Variants in WWOX observed in about 807,000 individuals in gnomAD.
WWOX encodes WW domain-containing oxidoreductase.
In WWOX, 69 loss-of-function variants were observed where a neutral mutation model predicts 46.2. The ratio of observed to expected loss-of-function variants is 1.49; its 90% confidence interval spans 1.23 to 1.82. WWOX has a LOEUF of 1.82. Ranked by LOEUF, WWOX falls within the 40% of genes most tolerant of loss-of-function variation. The probability of loss-of-function intolerance (pLI) is 0.00; values close to 1 mark genes in which losing one functional copy is unlikely to be tolerated. For synonymous variants in WWOX, 359 were observed against 202.6 expected (o/e 1.77, Z -6.56); for missense variants, 919 against 542.6 (o/e 1.69, Z -6.89).
chr16:78,935,826 C>T (rs2045725352), intron 8 of WWOX, among the ~76,000 whole-genome samples: 1 of 152,014 alleles, frequency 6.6e-6, no homozygotes, highest in African/African-American at 2.4e-5. Flanking sequence ...GTGGGAGGAT[C>T]ACTTCAGCTC....
At chr16:78,917,764 A>T (rs1162952951) in intron 8 of WWOX, among the ~76,000 whole-genome samples, 4 of 152,116 alleles carry the variant, frequency 2.6e-5, no homozygotes, top group Non-Finnish European at 5.9e-5. Context: ...CATAAGGTCT[A>T]TTAATAAATA....
intron 8 of WWOX, among the ~76,000 whole-genome samples, chr16:78,835,937 A>G (rs545116720): frequency 6.6e-6 from 1 of 152,336 alleles, no homozygotes; most frequent in East Asian, 1.9e-4. Flanking sequence ...GAGACTAACA[A>G]CAAGGAAATA....
At chr16:78,642,768 CAG>C (rs999115991) in intron 8 of WWOX, among the ~76,000 whole-genome samples, 1 of 151,966 alleles carries the variant, frequency 6.6e-6, no homozygotes, top group African/African-American at 2.4e-5. Flanking sequence ...GTGGGGAACT[CAG>C]GGCGTGAGGC....
intron 5 of WWOX, among the ~76,000 whole-genome samples, chr16:78,371,831 T>G (rs2081697229): frequency 6.6e-6 from 1 of 152,254 alleles, no homozygotes; most frequent in South Asian, 2.1e-4. Context: ...ATTTTTATAT[T>G]TCTCTCTTTT....
intron 5 of WWOX, among the ~76,000 whole-genome samples, chr16:78,308,854 C>G (rs980465708): frequency 2.0e-5 from 3 of 152,170 alleles, no homozygotes; most frequent in Admixed American, 1.3e-4. Context: ...TAACCAATTG[C>G]CAATCAGAAG....
intron 8 of WWOX, among the ~76,000 whole-genome samples, chr16:78,548,294 A>C (rs1053331161): frequency 2.6e-5 from 4 of 151,978 alleles, no homozygotes; most frequent in African/African-American, 9.7e-5. Flanking sequence ...CTTGGATCCC[A>C]TTAATTGCAT....
At chr16:78,335,020 G>C (rs1231795637) in intron 5 of WWOX, among the ~76,000 whole-genome samples, 1 of 152,036 alleles carries the variant, frequency 6.6e-6, no homozygotes, top group Non-Finnish European at 1.5e-5. Context: ...CCCTGGACCT[G>C]CAGTGTCAGC....
At chr16:79,034,806 A>T (rs928600476) in intron 8 of WWOX, among the ~76,000 whole-genome samples, 3 of 152,210 alleles carry the variant, frequency 2.0e-5, no homozygotes, top group Non-Finnish European at 2.9e-5. Context: ...TATTCATTGT[A>T]TCACGAAACA....
chr16:78,850,688 G>A (rs997196749), intron 8 of WWOX, among the ~76,000 whole-genome samples: 1 of 152,136 alleles, frequency 6.6e-6, no homozygotes, highest in African/African-American at 2.4e-5. Flanking sequence ...ACCTACTTGT[G>A]TCTCTGTGCC....
chr16:78,545,508 A>G (rs1021763531), intron 8 of WWOX, among the ~76,000 whole-genome samples: 3 of 152,184 alleles, frequency 2.0e-5, no homozygotes, highest in African/African-American at 7.2e-5. Flanking sequence ...GCCTGCAACC[A>G]TGTCTGGCTT....
At chr16:78,289,039 C>G (rs895484359) in intron 5 of WWOX, among the ~76,000 whole-genome samples, 2 of 152,112 alleles carry the variant, frequency 1.3e-5, no homozygotes, top group African/African-American at 4.8e-5. Context: ...ACAAGGCGTG[C>G]CAACAGCTGG....
intron 8 of WWOX, among the ~76,000 whole-genome samples, chr16:78,998,127 T>A (rs954907587): frequency 6.6e-6 from 1 of 152,184 alleles, no homozygotes; most frequent in Admixed American, 6.5e-5. Flanking sequence ...CCCGCCCGCC[T>A]CGGCCTCCCA....
rs544267808 is a variant in WWOX, at chr16:78,714,542, C to T, written c.1056+281790C>T. On this transcript the variant is annotated intron_variant, in intron 8 of 8. Transcript: ENST00000566780. ...TGGTGGGGACACAGACACACCATAT[C>T]ATGTCTTGGCAGCCATCTATATTCA... Among the ~76,000 whole-genome samples, 14 of 152,000 alleles carry T rather than the reference C, an allele frequency of 9.2e-5. No individual in the cohort carries two copies. In the South Asian group the frequency reaches 2.1e-3, roughly 23 times the overall value.
At chr16:78,642,124 C>T (rs146489475) in intron 8 of WWOX, among the ~76,000 whole-genome samples, 91 of 152,308 alleles carry the variant, frequency 6.0e-4, no homozygotes, top group African/African-American at 2.1e-3. Flanking sequence ...GACAATTTCT[C>T]TCCATCTAAC....
intron 8 of WWOX, among the ~76,000 whole-genome samples, chr16:78,635,541 A>C (rs186397650): frequency 1.3e-5 from 2 of 152,300 alleles, no homozygotes; most frequent in Admixed American, 1.3e-4. Flanking sequence ...GGGAGGGCAG[A>C]CAAGTTGCTC....
chr16:78,129,205 G>C (rs1457382011), intron 4 of WWOX, among the ~76,000 whole-genome samples: 1 of 152,168 alleles, frequency 6.6e-6, no homozygotes, highest in Non-Finnish European at 1.5e-5. Flanking sequence ...CCTGATCCGG[G>C]AGGGATTTGG....
At chr16:78,659,747 C>G (rs888843861) in intron 8 of WWOX, among the ~76,000 whole-genome samples, 5 of 152,056 alleles carry the variant, frequency 3.3e-5, no homozygotes, top group African/African-American at 1.2e-4. Flanking sequence ...CATATATTTG[C>G]CCACATGAAG....
At chr16:78,436,788 G>C (rs766911773) in intron 8 of WWOX, among the ~76,000 whole-genome samples, 1 of 152,206 alleles carries the variant, frequency 6.6e-6, no homozygotes, top group Non-Finnish European at 1.5e-5. Context: ...AGACCAGACT[G>C]ACTGGAAAAG....
intron 8 of WWOX, among the ~76,000 whole-genome samples, chr16:78,611,652 C>G (rs997324037): frequency 2.0e-5 from 3 of 152,208 alleles, no homozygotes; most frequent in Admixed American, 6.5e-5. Flanking sequence ...GTTAGCCAGC[C>G]TCTGCATGAT....
Sources: gnomAD v4.1 joint callset for allele counts (sites outside exome capture counted in the v4.1 genomes callset) on GRCh38, gnomAD v4.1.1 for gene constraint, MANE v1.5 for transcripts, NCBI Gene and HGNC (gene_info 2026-07-23, HGNC 2026-07-21) for gene names.